The following DAB1 variants were observed in gnomAD, a reference collection of about 807,000 sequenced individuals.
DAB1 encodes the protein DAB adaptor protein 1, also known as disabled homolog 1.
In DAB1, 15 loss-of-function variants were observed where a neutral mutation model predicts 64.6. The ratio of observed to expected loss-of-function variants is 0.23; its 90% CI spans 0.16 to 0.36. DAB1 has a LOEUF of 0.36. Among genes scored for constraint, DAB1 ranks in the 10% least tolerant of loss-of-function variants. The pLI is 1.00. For synonymous variants in DAB1, 235 were observed against 251.9 expected (o/e 0.93, Z 0.64); for missense variants, 596 against 706.7 (o/e 0.84, Z 1.78).
chr1:58,246,750 G>A (rs1168301908), intron 4 of DAB1, among the ~76,000 whole-genome samples: 1 of 152,052 alleles, frequency 6.6e-6, no homozygotes. Flanking sequence ...CATGTGGGGG[G>A]TGTTTGTATT....
At chr1:58,068,765 C>CAAAAAAAAAAAAAAACAAAAAA (rs1649031327) in intron 5 of DAB1, among the ~76,000 whole-genome samples, 1 of 85,412 alleles carries the variant, frequency 1.2e-5, no homozygotes, top group Non-Finnish European at 2.7e-5. Flanking sequence ...GACTCCATCT[C>CAAAAAAAAAAAAAAACAAAAAA]AAAAAAAAAA....
intron 6 of DAB1, among the ~76,000 whole-genome samples, chr1:57,727,083 C>A (rs917552073): frequency 6.6e-6 from 1 of 152,324 alleles, no homozygotes; most frequent in Non-Finnish European, 1.5e-5. Flanking sequence ...GAAAGACCAG[C>A]GAGTCAGAGA....
At chr1:58,376,650 A>G (rs1286365264) in intron 3 of DAB1, among the ~76,000 whole-genome samples, 1 of 143,662 alleles carries the variant, frequency 7.0e-6, no homozygotes, top group South Asian at 2.2e-4. Context: ...AAAAATGTAT[A>G]TTCTGTTGAT....
At position 57,239,872 on chromosome 1, in the gene DAB1, A is replaced by G. The variant is rs568650543; in HGVS notation, c.67+51092T>C. 1.2e-4 allele frequency among the ~76,000 whole-genome samples: 19 copies of G among 152,344 alleles called. No individual in the cohort carries two copies. In the South Asian group the frequency reaches 1.4e-3, roughly 12 times the overall value. On this transcript the variant is annotated intron_variant, in intron 2 of 14. Transcript: ENST00000371236. Reference sequence around the variant, plus strand: ...AACTAATTAATTTATCTGCCCGTCCAGGCAAGAAACTTTTAAAGTGCCTCT... The same window carrying G: ...AACTAATTAATTTATCTGCCCGTCCGGGCAAGAAACTTTTAAAGTGCCTCT...
chr1:57,960,816 A>C (rs2100271117), intron 5 of DAB1, among the ~76,000 whole-genome samples: 1 of 152,384 alleles, frequency 6.6e-6, no homozygotes, highest in Middle Eastern at 3.4e-3. Context: ...CCTAGGCCTA[A>C]GCCATGCAGG....
chr1:57,179,836 T>C (rs1444473793), intron 2 of DAB1, among the ~76,000 whole-genome samples: 1 of 152,196 alleles, frequency 6.6e-6, no homozygotes, highest in Non-Finnish European at 1.5e-5. Flanking sequence ...AAGAGTAGCA[T>C]TGGAACAGAC....
intron 1 of DAB1, among the ~76,000 whole-genome samples, chr1:57,325,825 A>T (rs1419515769): frequency 6.6e-6 from 1 of 152,202 alleles, no homozygotes; most frequent in African/African-American, 2.4e-5. Flanking sequence ...TCTCTAGAAC[A>T]ATTCACGAAA....
chr1:57,846,829 A>G (rs1426144457), intron 1 of DAB1, among the ~76,000 whole-genome samples: 1 of 152,228 alleles, frequency 6.6e-6, no homozygotes, highest in African/African-American at 2.4e-5. Flanking sequence ...GTGCACACAC[A>G]CACACAGACA....
intron 6 of DAB1, among the ~76,000 whole-genome samples, chr1:57,730,939 T>C (rs1280052097): frequency 6.6e-6 from 1 of 152,176 alleles, no homozygotes; most frequent in Non-Finnish European, 1.5e-5. Flanking sequence ...CAATTAAACA[T>C]GGAATTAGCA....
At chr1:57,884,092 T>C (rs1569916043), upstream of DAB1, 1 of 152,270 alleles carries the variant, frequency 6.6e-6, no homozygotes, top group Non-Finnish European at 1.5e-5. Context: ...CTGAAGAAGC[T>C]GGATGATGTC....
chr1:57,556,888 C>T (rs1420305944), intron 7 of DAB1, among the ~76,000 whole-genome samples: 1 of 152,146 alleles, frequency 6.6e-6, no homozygotes, highest in African/African-American at 2.4e-5. Context: ...ACGTTATCTT[C>T]TAGAATTTTT....
intron 3 of DAB1, among the ~76,000 whole-genome samples, chr1:58,394,329 C>T (rs2100557822): frequency 6.6e-6 from 1 of 152,270 alleles, no homozygotes; most frequent in East Asian, 1.9e-4. Context: ...TAAAGATACA[C>T]TTACCATATA....
chr1:57,148,238 T>G (rs1659337134), intron 2 of DAB1, among the ~76,000 whole-genome samples: 1 of 152,130 alleles, frequency 6.6e-6, no homozygotes, highest in Non-Finnish European at 1.5e-5. Flanking sequence ...AGAAGATTCA[T>G]AAGAGAAGGC....
At chr1:57,320,290 CT>C (rs1420335423) in intron 1 of DAB1, among the ~76,000 whole-genome samples, 1 of 152,148 alleles carries the variant, frequency 6.6e-6, no homozygotes, top group Non-Finnish European at 1.5e-5. Flanking sequence ...CAATTAACTT[CT>C]TTCCTTCATA....
At chr1:57,823,598 A>G (rs970010869), downstream of DAB1, among the ~76,000 whole-genome samples, 1 of 152,174 alleles carries the variant, frequency 6.6e-6, no homozygotes, top group African/African-American at 2.4e-5. Flanking sequence ...GTGTGAGTAC[A>G]TAATTCATTT....
intron 4 of DAB1, chr1:58,228,617 C>A: frequency 2.9e-6 from 2 of 701,088 alleles, no homozygotes; most frequent in Non-Finnish European, 4.6e-6. Flanking sequence ...CCCAGATATG[C>A]CCCCTTGTGC....
chr1:57,191,470 C>T (rs773275785), intron 2 of DAB1, among the ~76,000 whole-genome samples: 2 of 152,146 alleles, frequency 1.3e-5, no homozygotes, highest in Non-Finnish European at 2.9e-5. Flanking sequence ...TCTTGAGGAC[C>T]ACCATGACTA....
Position 57,169,503 on chromosome 1 carries a change from A to G in DAB1, c.68-24074T>C, listed in dbSNP as rs1293355469. Among the ~76,000 whole-genome samples the G allele has an allele frequency of 2.0e-5, 3 of 152,186 alleles. No homozygotes were observed. In the East Asian group the frequency reaches 5.8e-4, roughly 29 times the overall value. ...CTGACCCCAAGAAATGTCCTTTTTA[A>G]CCATTAACAAGATACTGTTGACAAA... On this transcript the variant is annotated intron_variant, in intron 2 of 14. Transcript: ENST00000371236.
At chr1:58,089,135 C>T (rs1278669445) in intron 5 of DAB1, among the ~76,000 whole-genome samples, 1 of 152,138 alleles carries the variant, frequency 6.6e-6, no homozygotes, top group African/African-American at 2.4e-5. Context: ...TTTTTTCCCA[C>T]CATATCTAAG....
Sources: gnomAD v4.1 joint callset for allele counts (sites outside exome capture counted in the v4.1 genomes callset) on GRCh38, gnomAD v4.1.1 for gene constraint, MANE v1.5 for transcripts, NCBI Gene and HGNC (gene_info 2026-07-23, HGNC 2026-07-21) for gene names.